AMER3: variants seen among roughly 807,000 people sequenced by gnomAD.
AMER3 encodes family with sequence similarity 123C.
For missense variants in AMER3, 1,201 were observed against 1,139.4 expected (o/e 1.05, Z -0.78); for synonymous variants, 541 against 485.5 (o/e 1.11, Z -1.50).
rs1023749687 is a variant in AMER3, at chr2:130,764,879, A to G, written c.*221A>G. 30 of 589,630 alleles carry G rather than the reference A, an allele frequency of 5.1e-5. No individual in the cohort carries two copies. Among genetic ancestry groups the G allele is most frequent in the Middle Eastern group, 4.6e-4 (1 of 2,158 alleles). 36.5% of individuals were successfully genotyped at this position (589,630 alleles called of 1,614,324 possible). On this transcript the variant is annotated 3_prime_UTR_variant, in exon 2 of 2. Transcript: ENST00000321420. Reference sequence around the variant, plus strand: ...CCGCCAAAGACAGCGCGAAGCTGCAACCACCTAGCTGCTCCTCATGCAGGG... The same window carrying G: ...CCGCCAAAGACAGCGCGAAGCTGCAGCCACCTAGCTGCTCCTCATGCAGGG...
chr2:130,764,227 C>T lies in AMER3; in HGVS notation c.2155C>T (p.Gln719Ter), dbSNP rs1388329583. The part of the protein sequence containing the change: ...RWARGPDMLE[Q>*]KQSSSSPSMT... Reference sequence around the variant, plus strand: ...GGCCAGGGGCCCTGACATGCTGGAGCAGAAACAGTCCAGCAGCTCCCCCAG... The same window carrying T: ...GGCCAGGGGCCCTGACATGCTGGAGTAGAAACAGTCCAGCAGCTCCCCCAG... Residue 719 changes from glutamine (Q) to a stop codon, truncating the protein, a stop_gained, in exon 2 of 2, where the codon CAG becomes TAG. Coordinates refer to ENST00000321420, the MANE Select transcript of AMER3 (RefSeq NM_152698.3). LOFTEE classifies it low-confidence loss of function (END_TRUNC). 1 of 1,609,736 alleles carries T rather than the reference C, an allele frequency of 6.2e-7. No individual in the cohort carries two copies. The highest frequency in any genetic ancestry group is 1.3e-5 in the African/African-American group (1 of 74,888).
intron 1 of AMER3, among the ~76,000 whole-genome samples, chr2:130,759,637 A>G (rs2104774982): frequency 6.6e-6 from 1 of 152,242 alleles, no homozygotes; most frequent in East Asian, 1.9e-4. Flanking sequence ...TTTAATCTTC[A>G]CTTTCATTGT....
Position 130,763,350 on chromosome 2 carries a change from C to T in AMER3, c.1278C>T (p.Phe426=), listed in dbSNP as rs1678861178. ...SYSGDALYEL[F]HDPSEGPLGP... is the part of the protein sequence containing the mutation. ...GTGGGGACGCCCTCTACGAGCTCTT[C>T]CACGACCCCAGCGAGGGTCCTCTTG... Residue 426 remains phenylalanine (F), a synonymous_variant, in exon 2 of 2, where the codon TTC becomes TTT. Transcript: ENST00000321420. 2 of 1,613,260 alleles carry T rather than the reference C, an allele frequency of 1.2e-6. No homozygotes were observed. The highest frequency in any genetic ancestry group is 1.3e-5 in the African/African-American group (1 of 74,916).
Position 130,766,769 on chromosome 2 carries a change from C to G in AMER3, c.*2111C>G, listed in dbSNP as rs1678994399. The G allele has an allele frequency of 6.0e-6, 1 of 166,570 alleles. No individual in the cohort carries two copies. The highest frequency in any genetic ancestry group is 2.4e-5 in the African/African-American group (1 of 41,448). The allele number at this position is 166,570 out of a possible 1,614,324, so 10.3% of individuals were successfully genotyped here. A position where few individuals can be genotyped will look rare whatever the true frequency, so the allele number is the denominator to read the frequency against. On this transcript the variant is annotated 3_prime_UTR_variant, in exon 2 of 2. Coordinates refer to ENST00000321420, the MANE Select transcript of AMER3 (RefSeq NM_152698.3). ...CTCAAAATCTCAGCCTCCCACAGTG[C>G]TGGATGACAGGAGTGAGCCAGCCAG... is the stretch of plus-strand genomic sequence containing the variant.
chr2:130,762,611 A>G lies in AMER3; in HGVS notation c.539A>G (p.Glu180Gly), dbSNP rs1460202082. Residue 180 changes from glutamate to glycine, a missense_variant, in exon 2 of 2, where the codon GAG (glutamate) becomes GGG (glycine). Glu to Gly is a moderately conservative substitution (Grantham distance 98). Coordinates refer to ENST00000321420, the MANE Select transcript of AMER3 (RefSeq NM_152698.3). ...GAGGACTTGGCCTCGCTGGCGGCCG[A>G]GGGGAAAAGCCTGCCCTCCCCAGGG... is the stretch of plus-strand genomic sequence containing the variant. Reference protein sequence around the residue: ...KTEDLASLAAEGKSLPSPGDP... With the variant: ...KTEDLASLAAGGKSLPSPGDP... 1 of 1,612,416 alleles carries G rather than the reference A, an allele frequency of 6.2e-7. No homozygotes were observed. The highest frequency in any genetic ancestry group is 2.2e-5 in the East Asian group (1 of 44,854).
rs998926475 is a variant in AMER3, at chr2:130,763,972, G to T, written c.1900G>T (p.Val634Phe). Residue 634 changes from valine to phenylalanine, a missense_variant, in exon 2 of 2, where the codon GTT becomes TTT. Coordinates refer to ENST00000321420, the MANE Select transcript of AMER3 (RefSeq NM_152698.3). The part of the protein sequence containing the change: ...TDTSGKNKAP[V>F]PSTWPCSQKE... ...TACTTCCGGTAAAAATAAGGCCCCAGTTCCTTCTACCTGGCCCTGCTCCCA... is the reference window on the plus strand; with the variant it reads ...TACTTCCGGTAAAAATAAGGCCCCATTTCCTTCTACCTGGCCCTGCTCCCA... 3.1e-6 allele frequency: 5 copies of T among 1,613,732 alleles called. No homozygotes were observed. The highest frequency in any genetic ancestry group is 4.2e-6 in the Non-Finnish European group (5 of 1,179,958).
At chr2:130,756,162 C>A (rs1053150018) in intron 1 of AMER3, 3 of 147,674 alleles carry the variant, frequency 2.0e-5, no homozygotes, top group African/African-American at 4.9e-5. Context: ...GCGCCAGCGC[C>A]GGCCCGCCCC....
chr2:130,760,502 G>A (rs1678743993), intron 1 of AMER3, among the ~76,000 whole-genome samples: 1 of 152,206 alleles, frequency 6.6e-6, no homozygotes, highest in Non-Finnish European at 1.5e-5. Flanking sequence ...TCATGTTCAT[G>A]CCTGCTGCAG....
Position 130,764,438 on chromosome 2 carries a change from G to A in AMER3, c.2366G>A (p.Ser789Asn). 3 of 1,606,502 alleles carry A rather than the reference G, an allele frequency of 1.9e-6. No individual in the cohort carries two copies. The highest frequency in any genetic ancestry group is 2.5e-6 in the Non-Finnish European group (3 of 1,177,126). Residue 789 changes from serine to asparagine, a missense_variant, in exon 2 of 2, where the codon AGC becomes AAC. Ser to Asn is a conservative substitution (Grantham distance 46). Transcript: ENST00000321420. ...GCTGTGGAGCAGGTGGCACACGGCA[G>A]CCAGCTGGACTCTGAGCCCCGCTCA... is the stretch of plus-strand genomic sequence containing the variant. ...TEAVEQVAHG[S>N]QLDSEPRSAP...
chr2:130,758,427 A>G (rs1678678105), intron 1 of AMER3, among the ~76,000 whole-genome samples: 1 of 151,186 alleles, frequency 6.6e-6, no homozygotes, highest in South Asian at 2.1e-4. Flanking sequence ...AGAAAGAAAG[A>G]AGGAGGGAGG....
rs753588139 is a variant in AMER3 at position 130,763,126 on chromosome 2, C to G, written c.1054C>G (p.Leu352Val). Residue 352 changes from leucine (L) to valine (V), a missense_variant, in exon 2 of 2, where the codon CTC (leucine) becomes GTC (valine). By Grantham distance (32) the Leu-to-Val change is conservative (BLOSUM62 1). Transcript: ENST00000321420. ...LDTAGLAELP[L>V]CPCRDPRSGS... The stretch of plus-strand genomic sequence containing the variant: ...CACAGCTGGGCTCGCTGAGCTGCCC[C>G]TCTGCCCCTGCAGGGACCCTCGCAG... 8.7e-6 allele frequency: 14 copies of G among 1,613,108 alleles called. No individual in the cohort carries two copies. The highest frequency in any genetic ancestry group is 1.1e-5 in the Non-Finnish European group (13 of 1,179,724).
intron 1 of AMER3, among the ~76,000 whole-genome samples, chr2:130,760,106 G>A (rs1678732896): frequency 6.6e-6 from 1 of 152,226 alleles, no homozygotes; most frequent in Admixed American, 6.5e-5. Flanking sequence ...AAAAGCCAGT[G>A]TGGCTGCTCA....
At position 130,764,594 on chromosome 2, in the gene AMER3, G is replaced by C. The variant is rs369785856; in HGVS notation, c.2522G>C (p.Gly841Ala). The change falls in exon 2 of 2, where the codon GGC becomes GCC. Residue 841 changes from glycine to alanine, a missense_variant. Gly to Ala is a moderately conservative substitution (Grantham distance 60, BLOSUM62 0). Coordinates refer to ENST00000321420, the MANE Select transcript of AMER3 (RefSeq NM_152698.3). ...CGCTGCAGCCTCCTGGCCCGTGAGGGCCTCCTCTGTGGCCAGCCAGAAGTG... is the reference window on the plus strand; with the variant it reads ...CGCTGCAGCCTCCTGGCCCGTGAGGCCCTCCTCTGTGGCCAGCCAGAAGTG... ...ECRCSLLAREGLLCGQPEVGA... is the reference protein window; with the variant it reads ...ECRCSLLAREALLCGQPEVGA... 6 of 1,606,040 alleles carry C rather than the reference G, an allele frequency of 3.7e-6. No homozygotes were observed. The highest frequency in any genetic ancestry group is 3.4e-5 in the Admixed American group (2 of 59,234).
Position 130,762,747 on chromosome 2 carries a change from T to C in AMER3, c.675T>C (p.Asp225=). ...QDLLDSELLA[D]ASFGLCRALC... The stretch of plus-strand genomic sequence containing the variant: ...TGTTGGACAGCGAGCTCCTGGCCGA[T>C]GCATCCTTTGGTCTCTGCAGGGCCC... Residue 225 remains aspartate (D), a synonymous_variant, in exon 2 of 2, where the codon GAT becomes GAC. Coordinates refer to ENST00000321420, the MANE Select transcript of AMER3 (RefSeq NM_152698.3). 6.2e-7 allele frequency: 1 copy of C among 1,612,014 alleles called. No individual in the cohort carries two copies. Among genetic ancestry groups the C allele is most frequent in the South Asian group, 1.1e-5 (1 of 90,992 alleles).
rs1161043717 is a variant in AMER3, at chr2:130,762,856, T to C, written c.784T>C (p.Ser262Pro). The C allele has an allele frequency of 6.2e-7, 1 of 1,613,244 alleles. No individual in the cohort carries two copies. Among genetic ancestry groups the C allele is most frequent in the Non-Finnish European group, 8.5e-7 (1 of 1,179,980 alleles). ...GTTCGCAGATGAGAGCTCGGTGCCA[T>C]CTCTGGAGCTGAACGAGGGCCCGGA... ...EVFADESSVP[S>P]LELNEGPESP... The change falls in exon 2 of 2, where the codon TCT (serine) becomes CCT (proline). Residue 262 changes from serine to proline, a missense_variant. Ser to Pro is a moderately conservative substitution (Grantham distance 74, BLOSUM62 -1). Coordinates refer to ENST00000321420, the MANE Select transcript of AMER3 (RefSeq NM_152698.3).
rs1274091716 is a variant in AMER3, at chr2:130,764,699, A to T, written c.*41A>T. ...ACCAGGAACTGCATGTGTCTTCATG[A>T]CCACTTTCAGGAGAGCCTAGGACTC... On this transcript the variant is annotated 3_prime_UTR_variant, in exon 2 of 2. Coordinates refer to ENST00000321420, the MANE Select transcript of AMER3 (RefSeq NM_152698.3). The T allele has an allele frequency of 6.5e-7, 1 of 1,528,710 alleles. No individual in the cohort carries two copies. The highest frequency in any genetic ancestry group is 8.8e-7 in the Non-Finnish European group (1 of 1,139,814). The allele number at this position is 1,528,710 out of a possible 1,614,324, so 94.7% of individuals were successfully genotyped here.
At chr2:130,757,765 C>T (rs1419601035) in intron 1 of AMER3, among the ~76,000 whole-genome samples, 1 of 152,146 alleles carries the variant, frequency 6.6e-6, no homozygotes, top group Non-Finnish European at 1.5e-5. Context: ...GTCCCTGTTC[C>T]CATGGAACTT....
chr2:130,762,089 G>A lies in AMER3; in HGVS notation c.17G>A (p.Gly6Glu). ...ACTGGCAGCATGGAGCTGAAGAGAG[G>A]AAAGACCTTCATCAAGTCCAGCCTG... MELKR[G>E]KTFIKSSLQV... is the part of the protein sequence containing the mutation. Residue 6 changes from glycine (G) to glutamate (E), a missense_variant, in exon 2 of 2, where the codon GGA (glycine) becomes GAA (glutamate). Transcript: ENST00000321420. The A allele has an allele frequency of 1.9e-6, 3 of 1,611,026 alleles. No individual in the cohort carries two copies. Among genetic ancestry groups the A allele is most frequent in the Non-Finnish European group, 2.5e-6 (3 of 1,179,230 alleles).
chr2:130,758,705 T>C (rs1237252700), intron 1 of AMER3, among the ~76,000 whole-genome samples: 1 of 152,212 alleles, frequency 6.6e-6, no homozygotes, highest in Non-Finnish European at 1.5e-5. Context: ...TGCTGAGCCC[T>C]GCAGACAAGA....
Sources: gnomAD v4.1 joint callset for allele counts (sites outside exome capture counted in the v4.1 genomes callset) on GRCh38, gnomAD v4.1.1 for gene constraint, MANE v1.5 for transcripts, NCBI Gene and HGNC (gene_info 2026-07-23, HGNC 2026-07-21) for gene names.